DDX4: variants seen among roughly 807,000 people sequenced by gnomAD.
DDX4 encodes the protein probable ATP-dependent RNA helicase DDX4.
Under a neutral mutation model 100.0 loss-of-function variants are expected in DDX4, and 25 were observed. The ratio of observed to expected loss-of-function variants is 0.25; its 90% confidence interval spans 0.18 to 0.35. DDX4 has a LOEUF of 0.35. DDX4 is among the 10% of genes least tolerant of loss of function. DDX4 has a pLI of 1.00. For missense variants in DDX4, 635 were observed against 882.4 expected, an observed-to-expected ratio of 0.72 and a Z score of 3.55; for synonymous variants, 259 against 275.7, an observed-to-expected ratio of 0.94 and a Z score of 0.60.
chr5:55,741,559 A>G (rs1758981554), intron 2 of DDX4, among the ~76,000 whole-genome samples: 1 of 152,208 alleles, frequency 6.6e-6, no homozygotes, highest in African/African-American at 2.4e-5. Flanking sequence ...AGGCTGAGAC[A>G]GCCAGATCAC....
At chr5:55,792,887 AT>A in intron 17 of DDX4, 80 bp downstream of exon 17, 1 of 853,640 alleles carries the variant, frequency 1.2e-6, no homozygotes, top group Non-Finnish European at 1.5e-6. Context: ...TGAATATCCT[AT>A]TTTTAGAGAT....
Position 55,766,021 on chromosome 5 carries a change from G to A in DDX4, c.335-1860G>A, listed in dbSNP as rs150135178. 2.5e-3 allele frequency among the ~76,000 whole-genome samples: 359 copies of A among 145,614 alleles called. 4 individuals are homozygous for A. The East Asian group carries it at 0.061, about 25-fold the overall frequency. On this transcript the variant is annotated intron_variant, in intron 6 of 21. Transcript: ENST00000505374. The stretch of plus-strand genomic sequence containing the variant: ...TTTAGTAGAGACGGGGTTTCGTCAC[G>A]TTGGCCAGGCTGGTCTCAAACTCCT...
At chr5:55,810,247 G>T (rs13169799) in intron 18 of DDX4, among the ~76,000 whole-genome samples, 16,449 of 152,022 alleles carry the variant, frequency 0.11, 1,370 homozygotes, top group East Asian at 0.29. Context: ...TGGGATTTCA[G>T]GCACCTGCCA....
At chr5:55,803,476 TC>T (rs2112133181) in intron 18 of DDX4, among the ~76,000 whole-genome samples, 1 of 40,510 alleles carries the variant, frequency 2.5e-5, no homozygotes, top group East Asian at 8.5e-4. Flanking sequence ...CCCTCCCCCC[TC>T]CCCCCACCCC....
intron 2 of DDX4, among the ~76,000 whole-genome samples, chr5:55,740,672 AT>A (rs11294945): frequency 0.71 from 80,522 of 113,650 alleles, 27,191 homozygotes; most frequent in African/African-American, 0.8. Context: ...CGCCCCGCTA[AT>A]TTTTTTTTTT....
At chr5:55,795,599 G>A (rs1301842283) in intron 17 of DDX4, among the ~76,000 whole-genome samples, 1 of 152,148 alleles carries the variant, frequency 6.6e-6, no homozygotes, top group Non-Finnish European at 1.5e-5. Context: ...GTGAGACCCT[G>A]TCTCTATAAA....
chr5:55,816,438 T>C (rs898927050), intron 21 of DDX4, 25 bp from the exon 22 acceptor site: 4 of 1,552,896 alleles, frequency 2.6e-6, no homozygotes, highest in African/African-American at 2.8e-5. Context: ...TTGTTTCTTT[T>C]TTTTTTTTTT....
chr5:55,806,230 C>T (rs1486440908), intron 18 of DDX4, among the ~76,000 whole-genome samples: 1 of 152,004 alleles, frequency 6.6e-6, no homozygotes, highest in African/African-American at 2.4e-5. Context: ...CTTTATTAGT[C>T]TTGCTAGCAG....
chr5:55,813,348 G>T (rs1408582455), intron 18 of DDX4, among the ~76,000 whole-genome samples: 1 of 152,156 alleles, frequency 6.6e-6, no homozygotes, highest in Non-Finnish European at 1.5e-5. Context: ...AAATGGAGGG[G>T]AGGAAAGGAC....
At chr5:55,776,487 T>G (rs968203326) in intron 7 of DDX4, among the ~76,000 whole-genome samples, 2 of 152,216 alleles carry the variant, frequency 1.3e-5, no homozygotes, top group South Asian at 2.1e-4. Context: ...GTATTGAAAT[T>G]ATAGTATTAC....
At chr5:55,778,741 A>G (rs530732314) in intron 7 of DDX4, among the ~76,000 whole-genome samples, 2 of 152,272 alleles carry the variant, frequency 1.3e-5, no homozygotes, top group East Asian at 3.9e-4. Context: ...TGAAAATACA[A>G]AAATTAGCTG....
intron 11 of DDX4, 36 bp downstream of exon 11, chr5:55,785,380 A>G (rs1742181366): frequency 1.3e-6 from 2 of 1,585,628 alleles, no homozygotes; most frequent in East Asian, 2.2e-5. Flanking sequence ...TGATTTTTAT[A>G]GTGAGAGTTC....
chr5:55,798,622 A>C, intron 18 of DDX4, 51 bp downstream of exon 18: 1 of 1,497,822 alleles, frequency 6.7e-7, no homozygotes, highest in Non-Finnish European at 9.0e-7. Flanking sequence ...TTTTTTAATG[A>C]ATAATTTAAA....
At chr5:55,798,283 G>A in intron 17 of DDX4, 143 bp from the exon 18 acceptor site, 1 of 806,040 alleles carries the variant, frequency 1.2e-6, no homozygotes, top group South Asian at 3.0e-5. Flanking sequence ...TAGTACTTGG[G>A]TGATATAAGT....
chr5:55,799,452 T>G (rs1743166761), intron 18 of DDX4, among the ~76,000 whole-genome samples: 1 of 152,188 alleles, frequency 6.6e-6, no homozygotes, highest in Admixed American at 6.5e-5. Context: ...CATGGCTCAC[T>G]GCAGCCTCAA....
At chr5:55,742,254 G>T (rs1175394388) in intron 2 of DDX4, 2 of 456,240 alleles carry the variant, frequency 4.4e-6, no homozygotes, top group Non-Finnish European at 8.8e-6. Flanking sequence ...GATGGGTATG[G>T]TGAGTGTATT....
rs879440751 is a variant in DDX4, at chr5:55,760,252, C to T, written c.180C>T (p.Ala60=). 1.9e-6 allele frequency: 3 copies of T among 1,570,410 alleles called. No individual in the cohort carries two copies. The highest frequency in any genetic ancestry group is 1.4e-5 in the African/African-American group (1 of 71,384). The part of the protein sequence containing the change: ...RRDHFMKSGF[A]SGRNFGNRDA... Reference sequence around the variant, plus strand: ...ATCATTTCATGAAAAGTGGATTTGCCTCTGGGCGGAATTTTGGAAACAGAG... The same window carrying T: ...ATCATTTCATGAAAAGTGGATTTGCTTCTGGGCGGAATTTTGGAAACAGAG... The change falls in exon 4 of 22, where the codon GCC becomes GCT. Residue 60 remains alanine, a synonymous_variant. Coordinates refer to ENST00000505374, the MANE Select transcript of DDX4 (RefSeq NM_024415.3).
intron 3 of DDX4, among the ~76,000 whole-genome samples, chr5:55,757,429 CA>C (rs1760010554): frequency 6.6e-6 from 1 of 152,176 alleles, no homozygotes; most frequent in Non-Finnish European, 1.5e-5. Context: ...CAGGTTGCTG[CA>C]AATGCCATTA....
At chr5:55,799,556 G>A (rs1743174123) in intron 18 of DDX4, among the ~76,000 whole-genome samples, 1 of 151,880 alleles carries the variant, frequency 6.6e-6, no homozygotes, top group African/African-American at 2.4e-5. Flanking sequence ...TTTAGTTTTT[G>A]TAGAGATGGG....
Sources: gnomAD v4.1 joint callset for allele counts (sites outside exome capture counted in the v4.1 genomes callset) on GRCh38, gnomAD v4.1.1 for gene constraint, MANE v1.5 for transcripts, NCBI Gene and HGNC (gene_info 2026-07-23, HGNC 2026-07-21) for gene names.